Variants in PCSK5 observed in about 807,000 individuals in gnomAD.
PCSK5 encodes the protein prohormone convertase 5.
Under a neutral mutation model 233.2 loss-of-function variants are expected in PCSK5, and 129 were observed. The ratio of observed to expected loss-of-function variants is 0.55; its 90% confidence interval spans 0.48 to 0.64. PCSK5 has a LOEUF of 0.64. Among genes scored for constraint, PCSK5 ranks in the 30% least tolerant of loss-of-function variants. The pLI is 0.00. For missense variants in PCSK5, 2,076 were observed against 2,430.1 expected, an observed-to-expected ratio of 0.85 and a Z score of 3.06; for synonymous variants, 825 against 879.2, an observed-to-expected ratio of 0.94 and a Z score of 1.09.
At chr9:76,161,815 C>G (rs1384972397) in intron 12 of PCSK5, among the ~76,000 whole-genome samples, 1 of 152,218 alleles carries the variant, frequency 6.6e-6, no homozygotes, top group Non-Finnish European at 1.5e-5. Context: ...TTGCAAAGTG[C>G]TGAACACAAG....
chr9:75,950,307 AAT>A (rs1824797124), intron 2 of PCSK5, among the ~76,000 whole-genome samples: 1 of 152,072 alleles, frequency 6.6e-6, no homozygotes, highest in Non-Finnish European at 1.5e-5. Context: ...TTTAGACAGG[AAT>A]ATATCAGGCA....
intron 7 of PCSK5, among the ~76,000 whole-genome samples, chr9:76,091,691 A>C (rs1831295132): frequency 6.6e-6 from 1 of 152,118 alleles, no homozygotes; most frequent in Non-Finnish European, 1.5e-5. Flanking sequence ...TTGGGGGCTC[A>C]GGTATGCATT....
At chr9:76,207,387 A>G (rs774163488) in intron 20 of PCSK5, among the ~76,000 whole-genome samples, 6 of 152,208 alleles carry the variant, frequency 3.9e-5, no homozygotes, top group Non-Finnish European at 5.9e-5. Context: ...TGAGAACATT[A>G]CCATGTGGTA....
At chr9:75,990,111 T>C (rs1464712178) in intron 3 of PCSK5, among the ~76,000 whole-genome samples, 2 of 152,192 alleles carry the variant, frequency 1.3e-5, no homozygotes, top group African/African-American at 2.4e-5. Flanking sequence ...CCAGTGGGCA[T>C]TCTTGGGAGT....
chr9:76,213,352 A>G (rs571015603), intron 20 of PCSK5, among the ~76,000 whole-genome samples: 2 of 152,222 alleles, frequency 1.3e-5, no homozygotes, highest in African/African-American at 4.8e-5. Flanking sequence ...TCATTCAAAC[A>G]CTGAGCAGTC....
At chr9:76,073,409 C>G in intron 7 of PCSK5, among the ~76,000 whole-genome samples, 1 of 152,128 alleles carries the variant, frequency 6.6e-6, no homozygotes, top group East Asian at 1.9e-4. Context: ...TTTTCAGCTT[C>G]CTATATTAGA....
intron 1 of PCSK5, among the ~76,000 whole-genome samples, chr9:75,898,077 C>G (rs532311904): frequency 6.6e-6 from 1 of 152,304 alleles, no homozygotes; most frequent in East Asian, 1.9e-4. Context: ...CTGATCTGCA[C>G]TTTCTTCATG....
chr9:76,143,728 CTTTTT>C lies in PCSK5; in HGVS notation c.1312+9527_1312+9531del, dbSNP rs11382449. On this transcript the variant is annotated intron_variant, in intron 10 of 37. Coordinates refer to ENST00000674117, the MANE Select transcript of PCSK5 (RefSeq NM_001372043.1). ...ATATAATCATCTTTGCTACATCCCA[CTTTTT>C]TTTTTTTTTTAAGAGAAAGAAGTGC... 2.8e-5 allele frequency among the ~76,000 whole-genome samples: 4 copies of C among 141,998 alleles called. No homozygotes were observed. In the South Asian group the frequency reaches 6.8e-4, roughly 24 times the overall value. 93.2% of individuals were successfully genotyped at this position (141,998 alleles called of 152,430 possible). A position where few individuals can be genotyped will look rare whatever the true frequency, so the allele number is the denominator to read the frequency against.
intron 1 of PCSK5, among the ~76,000 whole-genome samples, chr9:75,892,221 C>T (rs1294083350): frequency 6.6e-6 from 1 of 152,202 alleles, no homozygotes; most frequent in Non-Finnish European, 1.5e-5. Flanking sequence ...TGGCAGAGCT[C>T]TCCTGCTAGG....
intron 13 of PCSK5, among the ~76,000 whole-genome samples, chr9:76,173,496 CTTTTTTTTTTTTTTTTTTTTTTTTT>C (rs59248860): frequency 1.6e-5 from 1 of 60,968 alleles, no homozygotes; most frequent in Non-Finnish European, 3.3e-5. Flanking sequence ...GGCACGTTTC[CTTTTTTTTTTTTTTTTTTTTTTTTT>C]TTTTTTTTTT....
chr9:76,329,167 G>T (rs117998812), intron 33 of PCSK5, among the ~76,000 whole-genome samples: 1 of 151,070 alleles, frequency 6.6e-6, no homozygotes, highest in Admixed American at 6.6e-5. Flanking sequence ...TTGGCCAGGC[G>T]CAGTACCCAG....
intron 24 of PCSK5, among the ~76,000 whole-genome samples, chr9:76,252,803 G>A (rs2495210): frequency 0.96 from 146,658 of 152,316 alleles, 70,626 homozygotes; most frequent in East Asian, 1. Context: ...TCCATAGGAA[G>A]TGAGACCCTA....
At chr9:76,189,813 T>C (rs1824279301) in intron 20 of PCSK5, 67 bp downstream of exon 20, 2 of 822,360 alleles carry the variant, frequency 2.4e-6, no homozygotes, top group East Asian at 4.9e-5. Context: ...AGGACTAATA[T>C]TTTTCCACTT....
chr9:76,175,175 T>C (rs780387994), intron 14 of PCSK5, 46 bp downstream of exon 14: 179 of 1,586,168 alleles, frequency 1.1e-4, no homozygotes, highest in Middle Eastern at 3.3e-4. Context: ...AGGCAGCTCA[T>C]GCATCATCCC....
chr9:76,204,001 T>C (rs1825014025), intron 20 of PCSK5, among the ~76,000 whole-genome samples: 1 of 152,152 alleles, frequency 6.6e-6, no homozygotes, highest in African/African-American at 2.4e-5. Flanking sequence ...CAGGAACATT[T>C]TGAGGATTAA....
intron 20 of PCSK5, among the ~76,000 whole-genome samples, chr9:76,190,118 G>A (rs1824299995): frequency 6.6e-6 from 1 of 152,046 alleles, no homozygotes; most frequent in South Asian, 2.1e-4. Flanking sequence ...AAGCACTAGA[G>A]GAATACATTT....
At chr9:76,014,167 T>C (rs946388463) in intron 3 of PCSK5, among the ~76,000 whole-genome samples, 3 of 152,060 alleles carry the variant, frequency 2.0e-5, no homozygotes, top group Admixed American at 6.6e-5. Flanking sequence ...TTGCAAATAA[T>C]AGAAACAAAA....
intron 3 of PCSK5, among the ~76,000 whole-genome samples, chr9:75,990,999 C>T (rs35776983): frequency 0.012 from 1,852 of 152,244 alleles, 18 homozygotes; most frequent in Middle Eastern, 0.034. Context: ...TAGTAGAGAA[C>T]GCTTAGTGTG....
rs1331149775 is a variant in PCSK5 at position 76,362,047 on chromosome 9, T to A, written c.*3125T>A. 1 of 152,254 alleles carries A rather than the reference T, an allele frequency of 6.6e-6. No homozygotes were observed. The highest frequency in any genetic ancestry group is 2.4e-5 in the African/African-American group (1 of 41,474). The allele number at this position is 152,254 out of a possible 1,614,324, so 9.4% of individuals were successfully genotyped here. ...TAAGAAAAATTGTGGTGTTCCTCTGTGTGGCCTGCAATGAAAAGAAGGCTC... is the reference window on the plus strand; with the variant it reads ...TAAGAAAAATTGTGGTGTTCCTCTGAGTGGCCTGCAATGAAAAGAAGGCTC... On this transcript the variant is annotated 3_prime_UTR_variant, in exon 38 of 38. Coordinates refer to ENST00000674117, the MANE Select transcript of PCSK5 (RefSeq NM_001372043.1).
Sources: allele counts gnomAD v4.1 joint callset (sites outside exome capture counted in the v4.1 genomes callset), GRCh38; gene constraint gnomAD v4.1.1; transcripts MANE v1.5; gene names NCBI Gene and HGNC (gene_info 2026-07-23, HGNC 2026-07-21).